The following IMMP2L variants were observed in gnomAD, a reference collection of about 807,000 sequenced individuals.
The protein encoded by IMMP2L is mitochondrial inner membrane protease subunit 2.
Under a neutral mutation model 19.3 loss-of-function variants are expected in IMMP2L, and 18 were observed. The ratio of observed to expected loss-of-function variants is 0.93; its 90% CI spans 0.64 to 1.38. The LOEUF is 1.38. IMMP2L is among the 40% of genes most tolerant of loss of function. The pLI is 0.00. For missense variants in IMMP2L, 233 were observed against 218.2 expected, an observed-to-expected ratio of 1.07 and a Z score of -0.43; for synonymous variants, 76 against 73.0, an observed-to-expected ratio of 1.04 and a Z score of -0.21.
rs1220042126 is a variant in IMMP2L at position 110,887,605 on chromosome 7, AT to A, written c.306-911del. Among the ~76,000 whole-genome samples, 8 of 148,324 alleles carry A rather than the reference AT, an allele frequency of 5.4e-5. No individual in the cohort carries two copies. In the East Asian group the frequency reaches 8.1e-4, roughly 15 times the overall value. On this transcript the variant is annotated intron_variant, in intron 4 of 5. Coordinates refer to ENST00000405709, the MANE Select transcript of IMMP2L (RefSeq NM_032549.4). ...GCTTTTTATAGCAAAAAAAAAAAAAATAATTTACCTAAATATTCAACAACAC... is the reference window on the plus strand; with the variant it reads ...GCTTTTTATAGCAAAAAAAAAAAAAAAATTTACCTAAATATTCAACAACAC...
At chr7:110,932,606 G>A (rs768283986) in intron 4 of IMMP2L, among the ~76,000 whole-genome samples, 14 of 152,066 alleles carry the variant, frequency 9.2e-5, no homozygotes, top group African/African-American at 1.7e-4. Context: ...TACCCACCTC[G>A]GCCTCCCAAA....
intron 5 of IMMP2L, among the ~76,000 whole-genome samples, chr7:110,754,394 C>T (rs1006353543): frequency 6.6e-6 from 1 of 151,962 alleles, no homozygotes; most frequent in African/African-American, 2.4e-5. Flanking sequence ...AAGTAGAGTA[C>T]AGTTTTTCTA....
chr7:110,867,812 A>G (rs2129543496), intron 5 of IMMP2L, among the ~76,000 whole-genome samples: 1 of 152,116 alleles, frequency 6.6e-6, no homozygotes, highest in African/African-American at 2.4e-5. Context: ...AAAAATAAGC[A>G]TGACTACACT....
chr7:111,484,894 T>C (rs1842496190), intron 3 of IMMP2L, among the ~76,000 whole-genome samples: 1 of 152,054 alleles, frequency 6.6e-6, no homozygotes, highest in Non-Finnish European at 1.5e-5. Flanking sequence ...TCAATCGATC[T>C]TCCTACCTCA....
At chr7:111,474,765 T>C (rs1841575971) in intron 3 of IMMP2L, among the ~76,000 whole-genome samples, 1 of 152,238 alleles carries the variant, frequency 6.6e-6, no homozygotes, top group South Asian at 2.1e-4. Context: ...ATTAACACAG[T>C]GTCATTGTTA....
At chr7:111,067,618 G>C (rs547615931) in intron 3 of IMMP2L, among the ~76,000 whole-genome samples, 6 of 152,232 alleles carry the variant, frequency 3.9e-5, no homozygotes, top group African/African-American at 1.4e-4. Flanking sequence ...TAATCTGAGT[G>C]GACTATTTAT....
chr7:111,233,320 T>G (rs760157487), intron 3 of IMMP2L, among the ~76,000 whole-genome samples: 3 of 152,142 alleles, frequency 2.0e-5, no homozygotes, highest in Non-Finnish European at 2.9e-5. Flanking sequence ...TGATCTCATT[T>G]TTAAAATGTC....
At position 110,827,710 on chromosome 7, in the gene IMMP2L, T is replaced by G. The variant is rs115239527; in HGVS notation, c.408+58883A>C. On this transcript the variant is annotated intron_variant, in intron 5 of 5. Coordinates refer to ENST00000405709, the MANE Select transcript of IMMP2L (RefSeq NM_032549.4). ...AACAAAAGCACATTTTAATTGGACT[T>G]GAAGGATAAATACATCTAATCCCTT... is the stretch of plus-strand genomic sequence containing the variant. Among the ~76,000 whole-genome samples the G allele has an allele frequency of 2.8e-3, 431 of 152,298 alleles. 4 individuals carry two copies. Among genetic ancestry groups the G allele is most frequent in the African/African-American group, 9.7e-3 (403 of 41,584 alleles).
intron 3 of IMMP2L, among the ~76,000 whole-genome samples, chr7:111,069,877 G>T (rs1278807087): frequency 4.6e-5 from 7 of 152,126 alleles, no homozygotes; most frequent in Admixed American, 2.0e-4. Flanking sequence ...ACAGGACAAT[G>T]TTCCACTAAA....
chr7:111,544,260 T>TG (rs1563337862), intron 1 of IMMP2L, among the ~76,000 whole-genome samples: 6 of 140,906 alleles, frequency 4.3e-5, no homozygotes. Flanking sequence ...GGTGGGGGGA[T>TG]GGGGTGGGAT....
intron 4 of IMMP2L, among the ~76,000 whole-genome samples, chr7:110,946,941 C>T (rs889995703): frequency 7.2e-5 from 11 of 151,882 alleles, no homozygotes; most frequent in South Asian, 2.1e-4. Context: ...AGGATGGTCT[C>T]GATACCCTGA....
At chr7:111,073,576 A>T (rs1795142404) in intron 3 of IMMP2L, among the ~76,000 whole-genome samples, 1 of 152,116 alleles carries the variant, frequency 6.6e-6, no homozygotes, top group South Asian at 2.1e-4. Flanking sequence ...CAGAAATGAG[A>T]AATCCCATTT....
At chr7:111,428,395 A>G (rs1379371770) in intron 3 of IMMP2L, among the ~76,000 whole-genome samples, 2 of 151,854 alleles carry the variant, frequency 1.3e-5, no homozygotes, top group Non-Finnish European at 2.9e-5. Flanking sequence ...ATTCTATATA[A>G]AAATTGAATG....
At chr7:110,840,723 C>T (rs1433981181) in intron 5 of IMMP2L, among the ~76,000 whole-genome samples, 1 of 152,044 alleles carries the variant, frequency 6.6e-6, no homozygotes, top group Non-Finnish European at 1.5e-5. Flanking sequence ...TTTGAAAGGG[C>T]AATTAAAAAT....
intron 3 of IMMP2L, among the ~76,000 whole-genome samples, chr7:111,266,926 A>T (rs1284425513): frequency 1.3e-5 from 2 of 152,198 alleles, no homozygotes; most frequent in Non-Finnish European, 2.9e-5. Context: ...AGCCTCATTC[A>T]GATGAAGAAA....
chr7:110,885,893 C>T (rs757609482), intron 5 of IMMP2L, among the ~76,000 whole-genome samples: 1 of 152,040 alleles, frequency 6.6e-6, no homozygotes, highest in Non-Finnish European at 1.5e-5. Flanking sequence ...TACAAACACA[C>T]CTTGTTAAAA....
intron 3 of IMMP2L, among the ~76,000 whole-genome samples, chr7:111,423,225 C>T (rs1423302682): frequency 6.6e-6 from 1 of 151,790 alleles, no homozygotes; most frequent in Non-Finnish European, 1.5e-5. Flanking sequence ...TGATGCTGGC[C>T]TCATAAAATG....
rs575284523 is a variant in IMMP2L, at chr7:111,549,957, A to C, written c.-3+11894T>G. Among the ~76,000 whole-genome samples, 531 of 151,582 alleles carry C rather than the reference A, an allele frequency of 3.5e-3. 3 individuals are homozygous for C. The highest frequency in any genetic ancestry group is 5.9e-3 in the Admixed American group (90 of 15,220). On this transcript the variant is annotated intron_variant, in intron 1 of 5. Transcript: ENST00000405709. ...CTCCGTGTCAAAAAAAAAAAAAAAAACATAGTGAGACTCATAAAAAGCACA... is the reference window on the plus strand; with the variant it reads ...CTCCGTGTCAAAAAAAAAAAAAAAACCATAGTGAGACTCATAAAAAGCACA...
intron 3 of IMMP2L, among the ~76,000 whole-genome samples, chr7:111,369,101 A>ATT (rs2067171): frequency 0.56 from 85,394 of 151,428 alleles, 24,726 homozygotes; most frequent in South Asian, 0.72. Context: ...TTTTAATAAT[A>ATT]GTTTTCATAG....
Sources: allele counts gnomAD v4.1 joint callset (sites outside exome capture counted in the v4.1 genomes callset), GRCh38; gene constraint gnomAD v4.1.1; transcripts MANE v1.5; gene names NCBI Gene and HGNC (gene_info 2026-07-23, HGNC 2026-07-21).